PRSS23: variants seen among roughly 807,000 people sequenced by gnomAD.
PRSS23 encodes the protein protease, serine 23.
Under a neutral mutation model 34.7 loss-of-function variants are expected in PRSS23, and 25 were observed. That is an observed-to-expected ratio of 0.72 (90% CI 0.53 to 1.01). The LOEUF (loss-of-function observed/expected upper bound fraction) is 1.01. Ranked by LOEUF, PRSS23 falls within the 50% of genes least tolerant of loss-of-function variation. PRSS23 has a pLI of 0.00. For missense variants in PRSS23, 445 were observed against 475.6 expected (o/e 0.94, Z 0.60); for synonymous variants, 176 against 186.6 (o/e 0.94, Z 0.46).
chr11:86,927,118 C>G (rs896988058), intron 2 of PRSS23, among the ~76,000 whole-genome samples: 2 of 152,172 alleles, frequency 1.3e-5, no homozygotes, highest in Admixed American at 6.5e-5. Context: ...TAACTTGAGT[C>G]AGTCCACCAT....
At chr11:86,831,818 A>G (rs1197634330) in intron 2 of PRSS23, among the ~76,000 whole-genome samples, 1 of 152,016 alleles carries the variant, frequency 6.6e-6, no homozygotes, top group Non-Finnish European at 1.5e-5. Context: ...CAGCGGGTAT[A>G]CACCCTGTCA....
intron 1 of PRSS23, among the ~76,000 whole-genome samples, chr11:86,817,580 A>G (rs893467581): frequency 7.9e-5 from 12 of 152,194 alleles, no homozygotes; most frequent in African/African-American, 2.9e-4. Flanking sequence ...TTTCAAGAGT[A>G]TCACTATTCA....
At chr11:86,902,032 C>A (rs917698913) in intron 2 of PRSS23, among the ~76,000 whole-genome samples, 1 of 152,002 alleles carries the variant, frequency 6.6e-6, no homozygotes, top group African/African-American at 2.4e-5. Context: ...TTACCTGGAG[C>A]CTAGAATGGT....
intron 2 of PRSS23, among the ~76,000 whole-genome samples, chr11:86,853,794 A>G (rs1462617459): frequency 6.6e-6 from 1 of 152,086 alleles, no homozygotes; most frequent in Admixed American, 6.6e-5. Flanking sequence ...TCATTTTTCA[A>G]ATACACTCCA....
At chr11:86,818,842 A>T (rs1445297738) in intron 1 of PRSS23, among the ~76,000 whole-genome samples, 1 of 152,244 alleles carries the variant, frequency 6.6e-6, no homozygotes, top group Non-Finnish European at 1.5e-5. Context: ...ACAAACGCTT[A>T]GTGTTAATCA....
chr11:86,878,584 G>C lies in PRSS23; in HGVS notation c.206+54991G>C, dbSNP rs1362668766. On this transcript the variant is annotated intron_variant, in intron 2 of 2. Coordinates refer to the PRSS23 transcript ENST00000533902. ...TCAGTGCTCAATGGGGCCCAGGCTG[G>C]AGTGCAGTGGCGTGATCTCGGCTCG... is the stretch of plus-strand genomic sequence containing the variant. 2.0e-5 allele frequency among the ~76,000 whole-genome samples: 3 copies of C among 152,258 alleles called. No individual in the cohort carries two copies. The East Asian group carries it at 5.8e-4, about 30-fold the overall frequency.
At chr11:86,827,097 A>G (rs1392655066) in intron 2 of PRSS23, among the ~76,000 whole-genome samples, 1 of 152,184 alleles carries the variant, frequency 6.6e-6, no homozygotes, top group Non-Finnish European at 1.5e-5. Flanking sequence ...CCTCTGGTAG[A>G]ATTCGGCTGT....
At chr11:86,836,661 C>A (rs998090717) in intron 2 of PRSS23, among the ~76,000 whole-genome samples, 1 of 152,084 alleles carries the variant, frequency 6.6e-6, no homozygotes, top group South Asian at 2.1e-4. Context: ...CGAATAGTGA[C>A]AGATCTGGAG....
intron 2 of PRSS23, among the ~76,000 whole-genome samples, chr11:86,941,638 TCCCTTC>T (rs1244729280): frequency 1.3e-5 from 2 of 152,186 alleles, no homozygotes; most frequent in Non-Finnish European, 2.9e-5. Context: ...TCACTCCCTT[TCCCTTC>T]CCTAGCCCAT....
intron 2 of PRSS23, among the ~76,000 whole-genome samples, chr11:86,828,286 A>G (rs1373031956): frequency 1.3e-5 from 2 of 152,030 alleles, no homozygotes; most frequent in African/African-American, 4.8e-5. Context: ...GTTGGTTTAA[A>G]GTCTGTTTTA....
At chr11:86,939,728 G>A (rs1949194467) in intron 2 of PRSS23, among the ~76,000 whole-genome samples, 1 of 140,390 alleles carries the variant, frequency 7.1e-6, no homozygotes, top group South Asian at 2.3e-4. Flanking sequence ...AAATGCTGAT[G>A]TAAATCCAAA....
intron 2 of PRSS23, chr11:86,936,881 GAAA>G (rs5793230): frequency 1.2e-4 from 17 of 140,104 alleles, no homozygotes; most frequent in Non-Finnish European, 1.5e-4. Context: ...ACAGAGTAAA[GAAA>G]AAAAAAAAAA....
Position 86,835,098 on chromosome 11 carries a change from A to T in PRSS23, c.206+11505A>T, listed in dbSNP as rs188265537. On this transcript the variant is annotated intron_variant, in intron 2 of 2. Transcript: ENST00000533902. ...CTGGAAGAAATGTAGCTGGGTTAAG[A>T]GTTGCACAAGTGTGCAGTTGCAGCA... is the stretch of plus-strand genomic sequence containing the variant. 9.4e-3 allele frequency among the ~76,000 whole-genome samples: 1,439 copies of T among 152,350 alleles called. 32 individuals are homozygous for T. The highest frequency in any genetic ancestry group is 0.033 in the African/African-American group (1,361 of 41,586).
intron 2 of PRSS23, among the ~76,000 whole-genome samples, chr11:86,837,969 T>G (rs750747802): frequency 3.3e-5 from 5 of 151,920 alleles, no homozygotes; most frequent in Admixed American, 6.6e-5. Context: ...TGAACTGAAG[T>G]AGGGCAGGGT....
intron 2 of PRSS23, among the ~76,000 whole-genome samples, chr11:86,894,020 G>C (rs1948858675): frequency 6.6e-6 from 1 of 152,078 alleles, no homozygotes; most frequent in African/African-American, 2.4e-5. Flanking sequence ...GTTTGTTTTT[G>C]TTTTTGTTTT....
rs146412521 is a variant in PRSS23, at chr11:86,895,086, G to A, written c.207-56130G>A. On this transcript the variant is annotated intron_variant, in intron 2 of 2. Transcript: ENST00000533902. Reference sequence around the variant, plus strand: ...TTCAGATCATGAGTTTGAGAATTCTGGCTTTTAAGTCCTATTCCATTTTGA... The same window carrying A: ...TTCAGATCATGAGTTTGAGAATTCTAGCTTTTAAGTCCTATTCCATTTTGA... 8.2e-4 allele frequency among the ~76,000 whole-genome samples: 124 copies of A among 152,122 alleles called. 1 individual carries two copies. In the East Asian group the frequency reaches 0.018, roughly 23 times the overall value.
rs1948168507 is a variant in PRSS23 at position 86,810,682 on chromosome 11, A to T, written c.*1887A>T. ...GATGTTCCTTTTGTGAAGCACCTTG[A>T]TTCCTTGATTTTGATTTTTTGCAAA... On this transcript the variant is annotated 3_prime_UTR_variant, in exon 2 of 2. Coordinates refer to ENST00000280258, the MANE Select transcript of PRSS23 (RefSeq NM_007173.6). 1.2e-5 allele frequency: 2 copies of T among 167,054 alleles called. No individual in the cohort carries two copies. Among genetic ancestry groups the T allele is most frequent in the African/African-American group, 4.8e-5 (2 of 41,466 alleles). 10.3% of individuals were successfully genotyped at this position (167,054 alleles called of 1,614,324 possible).
chr11:86,877,144 T>C (rs1202725289), intron 2 of PRSS23, among the ~76,000 whole-genome samples: 1 of 152,218 alleles, frequency 6.6e-6, no homozygotes, highest in Admixed American at 6.5e-5. Context: ...TTCAGCCCTC[T>C]ATTATGGCTT....
intron 2 of PRSS23, among the ~76,000 whole-genome samples, chr11:86,905,245 G>C (rs1440863106): frequency 6.6e-6 from 1 of 152,138 alleles, no homozygotes; most frequent in Non-Finnish European, 1.5e-5. Context: ...TCAGCACATA[G>C]TGGCTATTCA....
Sources: gnomAD v4.1 joint callset for allele counts (sites outside exome capture counted in the v4.1 genomes callset) on GRCh38, gnomAD v4.1.1 for gene constraint, MANE v1.5 for transcripts, NCBI Gene and HGNC (gene_info 2026-07-23, HGNC 2026-07-21) for gene names.